Variants in CCDC30 observed in about 807,000 individuals in gnomAD.
CCDC30 encodes coiled-coil domain containing 30, also known as coiled-coil domain-containing protein 30.
In CCDC30, 70 loss-of-function variants were observed where a neutral mutation model predicts 100.2. The ratio of observed to expected loss-of-function variants is 0.70; its 90% CI spans 0.58 to 0.85. CCDC30 has a LOEUF of 0.85. CCDC30 is among the 40% of genes least tolerant of loss of function. CCDC30 has a pLI of 0.00. For synonymous variants in CCDC30, 233 were observed against 269.5 expected, an observed-to-expected ratio of 0.86 and a Z score of 1.33; for missense variants, 652 against 771.2, an observed-to-expected ratio of 0.85 and a Z score of 1.83.
chr1:42,632,545 C>T (rs961186297), intron 11 of CCDC30, among the ~76,000 whole-genome samples: 2 of 151,896 alleles, frequency 1.3e-5, no homozygotes, highest in Admixed American at 1.3e-4. Context: ...GGGCGGATCA[C>T]CTGAGGTCAG....
chr1:42,557,381 TAAG>T (rs1349317186), intron 6 of CCDC30, among the ~76,000 whole-genome samples: 2 of 152,064 alleles, frequency 1.3e-5, no homozygotes, highest in African/African-American at 4.8e-5. Flanking sequence ...ATCAAATATT[TAAG>T]AAGAGATTAC....
intron 7 of CCDC30, among the ~76,000 whole-genome samples, chr1:42,575,549 C>T (rs553162502): frequency 6.8e-6 from 1 of 148,066 alleles, no homozygotes; most frequent in African/African-American, 2.5e-5. Context: ...ACTCAGGAGG[C>T]TGAGGCAGGA....
chr1:42,487,213 G>A (rs1224525881), intron 3 of CCDC30, among the ~76,000 whole-genome samples: 1 of 151,928 alleles, frequency 6.6e-6, no homozygotes, highest in African/African-American at 2.4e-5. Flanking sequence ...TTAATAGGGT[G>A]ATGGAAATGT....
chr1:42,571,258 T>C (rs1391030616), intron 7 of CCDC30: 1 of 152,250 alleles, frequency 6.6e-6, no homozygotes, highest in Admixed American at 6.5e-5. Flanking sequence ...ACAAATTCAA[T>C]TTACCAAATA....
chr1:42,500,379 G>T (rs1159021019), intron 6 of CCDC30: 2 of 1,366,630 alleles, frequency 1.5e-6, no homozygotes, highest in Admixed American at 3.4e-5. Flanking sequence ...GTGAGAACGA[G>T]CGAAGTCTGG....
intron 11 of CCDC30, among the ~76,000 whole-genome samples, chr1:42,625,042 T>TA (rs139907150): frequency 3.2e-4 from 48 of 152,280 alleles, no homozygotes; most frequent in Admixed American, 1.2e-3. Flanking sequence ...GACTTTTTTT[T>TA]ATGGCTTTGA....
Position 42,566,515 on chromosome 1 carries a change from T to C in CCDC30, c.636+40T>C, listed in dbSNP as rs552795423. 30 of 1,554,680 alleles carry C rather than the reference T, an allele frequency of 1.9e-5. No individual in the cohort carries two copies. The East Asian group carries it at 5.4e-4, about 28-fold the overall frequency. On this transcript the variant is annotated intron_variant, in intron 7 of 16. Transcript: ENST00000668663. Reference sequence around the variant, plus strand: ...CAAATGCTTTATGGAAGGGTTTCAGTTGGCCCTGGGAATAAACGAATCTAA... The same window carrying C: ...CAAATGCTTTATGGAAGGGTTTCAGCTGGCCCTGGGAATAAACGAATCTAA...
intron 8 of CCDC30, among the ~76,000 whole-genome samples, chr1:42,579,201 G>A (rs928047808): frequency 5.9e-5 from 9 of 151,798 alleles, no homozygotes; most frequent in East Asian, 2.0e-4. Flanking sequence ...CATGTTGGCC[G>A]GGATGGTCTT....
At chr1:42,495,108 A>G (rs1329416246) in intron 4 of CCDC30, among the ~76,000 whole-genome samples, 1 of 149,094 alleles carries the variant, frequency 6.7e-6, no homozygotes, top group Non-Finnish European at 1.5e-5. Flanking sequence ...AACCAACCCA[A>G]ATGTCCAACA....
intron 6 of CCDC30, among the ~76,000 whole-genome samples, chr1:42,565,517 T>C (rs1645586914): frequency 6.6e-6 from 1 of 152,188 alleles, no homozygotes; most frequent in African/African-American, 2.4e-5. Flanking sequence ...GAATGGCTTT[T>C]ATCAAAAAGA....
chr1:42,530,765 A>T (rs2148513719), intron 6 of CCDC30, among the ~76,000 whole-genome samples: 2 of 152,348 alleles, frequency 1.3e-5, no homozygotes, highest in East Asian at 3.9e-4. Context: ...GGTTATATGT[A>T]AAATACTATA....
the CCDC30 span, among the ~76,000 whole-genome samples, chr1:42,457,750 C>T: frequency 5.3e-5 from 8 of 151,920 alleles, no homozygotes; most frequent in African/African-American, 1.9e-4. Flanking sequence ...GTCAGGAGTT[C>T]GAGACCAGCC....
intron 15 of CCDC30, among the ~76,000 whole-genome samples, chr1:42,652,237 T>C (rs2148700597): frequency 1.3e-5 from 2 of 152,276 alleles, no homozygotes; most frequent in Admixed American, 1.3e-4. Flanking sequence ...ATACCACATC[T>C]TCTCACTTAA....
intron 1 of CCDC30, among the ~76,000 whole-genome samples, chr1:42,473,931 G>A (rs150069363): frequency 6.4e-4 from 98 of 152,116 alleles, no homozygotes; most frequent in African/African-American, 2.2e-3. Context: ...TCATATCCTA[G>A]GACCAGGCAC....
intron 3 of CCDC30, among the ~76,000 whole-genome samples, chr1:42,485,536 G>A (rs1320410371): frequency 6.6e-6 from 1 of 152,166 alleles, no homozygotes; most frequent in African/African-American, 2.4e-5. Context: ...ACATGCACCT[G>A]TAGTCCTAGC....
chr1:42,524,583 C>G (rs1644696050), intron 6 of CCDC30, among the ~76,000 whole-genome samples: 1 of 152,146 alleles, frequency 6.6e-6, no homozygotes, highest in South Asian at 2.1e-4. Context: ...AAGCAGCAAT[C>G]ACCCATCAGA....
intron 1 of CCDC30, among the ~76,000 whole-genome samples, chr1:42,466,704 A>C (rs1338695161): frequency 2.0e-5 from 3 of 151,604 alleles, no homozygotes; most frequent in Admixed American, 2.0e-4. Context: ...GGCACCCGCC[A>C]CCATGCCCGG....
rs1276335944 is a variant in CCDC30 at position 42,546,398 on chromosome 1, AAATATATATATAT to A, written c.457-19896_457-19884del. On this transcript the variant is annotated intron_variant, in intron 6 of 16. Transcript: ENST00000668663. The stretch of plus-strand genomic sequence containing the variant: ...GAAATTCTGTCTCAAAAAAAAAAAA[AAATATATATATAT>A]ATATATATATATATATATATATATA... Among the ~76,000 whole-genome samples, 7 of 22,774 alleles carry A rather than the reference AAATATATATATAT, an allele frequency of 3.1e-4. 1 individual carries two copies. In the East Asian group the frequency reaches 3.8e-3, roughly 12 times the overall value. 14.9% of individuals were successfully genotyped at this position (22,774 alleles called of 152,430 possible).
chr1:42,561,978 C>T (rs554090905), intron 6 of CCDC30, among the ~76,000 whole-genome samples: 89 of 151,980 alleles, frequency 5.9e-4, no homozygotes, highest in Non-Finnish European at 9.7e-4. Flanking sequence ...AATGTTCCAT[C>T]CTAACATCCT....
Sources: allele counts gnomAD v4.1 joint callset (sites outside exome capture counted in the v4.1 genomes callset), GRCh38; gene constraint gnomAD v4.1.1; transcripts MANE v1.5; gene names NCBI Gene and HGNC (gene_info 2026-07-23, HGNC 2026-07-21).